Variants in PDE3A observed in about 807,000 individuals in gnomAD.
PDE3A encodes the protein phosphodiesterase 3A, also known as cGMP-inhibited 3',5'-cyclic phosphodiesterase 3A.
PDE3A carries 43 observed loss-of-function variants against 98.3 expected under a neutral mutation model. The observed-to-expected ratio is 0.44, with a 90% CI of 0.34 to 0.56. The LOEUF is 0.56. Among genes scored for constraint, PDE3A ranks in the 20% least tolerant of loss-of-function variants. The pLI, the probability that PDE3A is intolerant of heterozygous loss-of-function variation, is 0.01. For missense variants in PDE3A, 1,427 were observed against 1,440.7 expected (o/e 0.99, Z 0.15); for synonymous variants, 663 against 567.9 (o/e 1.17, Z -2.38).
intron 1 of PDE3A, chr12:20,551,521 G>A: frequency 1.8e-6 from 2 of 1,111,642 alleles, no homozygotes; most frequent in East Asian, 5.2e-5. Flanking sequence ...GGTTAATTCC[G>A]ATAACGAACG....
intron 1 of PDE3A, among the ~76,000 whole-genome samples, chr12:20,467,504 A>G (rs973687351): frequency 6.6e-6 from 1 of 152,110 alleles, no homozygotes; most frequent in Non-Finnish European, 1.5e-5. Flanking sequence ...TAAAGTCTTT[A>G]TTTTATTCTT....
At chr12:20,560,589 A>G (rs1240755479) in intron 2 of PDE3A, among the ~76,000 whole-genome samples, 1 of 152,192 alleles carries the variant, frequency 6.6e-6, no homozygotes, top group African/African-American at 2.4e-5. Flanking sequence ...GCTTTGTTTT[A>G]AAAGAAAGTT....
rs1444122760 is a variant in PDE3A at position 20,660,086 on chromosome 12, G to A, written c.3184+5881G>A. Among the ~76,000 whole-genome samples, 7 of 152,074 alleles carry A rather than the reference G, an allele frequency of 4.6e-5. No homozygotes were observed. In the South Asian group the frequency reaches 8.3e-4, roughly 18 times the overall value. ...GTGGGAGGTAATCGAATCATAAGGG[G>A]AGTTACCCCCATGCTACTGTTCTCA... On this transcript the variant is annotated intron_variant, in intron 15 of 15. Coordinates refer to ENST00000359062, the MANE Select transcript of PDE3A (RefSeq NM_000921.5).
At chr12:20,487,666 AAATAAAT>A (rs1170424357) in intron 1 of PDE3A, among the ~76,000 whole-genome samples, 23 of 103,252 alleles carry the variant, frequency 2.2e-4, no homozygotes, top group African/African-American at 7.4e-4. Context: ...AAAAAAAAAT[AAATAAAT>A]AAAAAAAGTG....
At chr12:20,544,883 AG>A (rs1426522292) in intron 1 of PDE3A, among the ~76,000 whole-genome samples, 2 of 152,002 alleles carry the variant, frequency 1.3e-5, no homozygotes, top group African/African-American at 4.8e-5. Context: ...GAAACAAAAA[AG>A]TTTCTATAAT....
Position 20,616,514 on chromosome 12 carries a change from G to T in PDE3A, c.1424+130G>T, listed in dbSNP as rs1944011578. On this transcript the variant is annotated intron_variant, in intron 4 of 15. Transcript: ENST00000359062. The stretch of plus-strand genomic sequence containing the variant: ...GAGGTCAGCTTTGAAGATGGAAAGG[G>T]TACATGGTTCAAATGCAGAGCAGTA... 1.2e-5 allele frequency: 9 copies of T among 781,586 alleles called. No individual in the cohort carries two copies. The South Asian group carries it at 1.3e-4, about 11-fold the overall frequency. 48.4% of individuals were successfully genotyped at this position (781,586 alleles called of 1,614,324 possible).
At chr12:20,504,865 C>A (rs1946086421) in intron 1 of PDE3A, among the ~76,000 whole-genome samples, 1 of 152,040 alleles carries the variant, frequency 6.6e-6, no homozygotes, top group Non-Finnish European at 1.5e-5. Context: ...ACTCAACATC[C>A]TTAATCGCAT....
intron 1 of PDE3A, among the ~76,000 whole-genome samples, chr12:20,414,707 G>A (rs12370763): frequency 0.62 from 93,617 of 151,884 alleles, 30,607 homozygotes; most frequent in East Asian, 0.88. Flanking sequence ...TTTCTGAGAT[G>A]ATCAATTCTT....
At chr12:20,570,098 A>T (rs1942760256) in intron 2 of PDE3A, among the ~76,000 whole-genome samples, 1 of 152,064 alleles carries the variant, frequency 6.6e-6, no homozygotes, top group Non-Finnish European at 1.5e-5. Context: ...GAAAAGCAAG[A>T]GAGGGAGAAA....
At chr12:20,586,555 A>G (rs11045320) in intron 2 of PDE3A, among the ~76,000 whole-genome samples, 144,983 of 152,272 alleles carry the variant, frequency 0.95, 69,323 homozygotes, top group East Asian at 1. Flanking sequence ...GAATTTTCAC[A>G]AAAAACTTAG....
At chr12:20,391,476 A>C (rs1943914791) in intron 1 of PDE3A, among the ~76,000 whole-genome samples, 1 of 150,252 alleles carries the variant, frequency 6.7e-6, no homozygotes, top group South Asian at 2.1e-4. Flanking sequence ...AGTGCAATCC[A>C]CTGTTGATTC....
chr12:20,622,647 T>C (rs1944164348), intron 5 of PDE3A, among the ~76,000 whole-genome samples: 1 of 152,172 alleles, frequency 6.6e-6, no homozygotes, highest in African/African-American at 2.4e-5. Context: ...TAAATTGAGA[T>C]ATTCCTGAAG....
At chr12:20,407,137 G>A (rs1163854465) in intron 1 of PDE3A, among the ~76,000 whole-genome samples, 3 of 152,176 alleles carry the variant, frequency 2.0e-5, no homozygotes, top group Non-Finnish European at 4.4e-5. Flanking sequence ...GATCAGCATA[G>A]ATGTTGATTA....
At chr12:20,469,111 C>A (rs940777397) in intron 1 of PDE3A, among the ~76,000 whole-genome samples, 2 of 152,116 alleles carry the variant, frequency 1.3e-5, no homozygotes, top group Non-Finnish European at 2.9e-5. Context: ...GTCAGAGATG[C>A]TGAACAGAAA....
chr12:20,441,497 T>C (rs1447996280), intron 1 of PDE3A, among the ~76,000 whole-genome samples: 1 of 152,232 alleles, frequency 6.6e-6, no homozygotes, highest in African/African-American at 2.4e-5. Flanking sequence ...GGTACTTTGC[T>C]AAAATAAGCA....
Position 20,552,650 on chromosome 12 carries a change from A to G in PDE3A, c.961-4010A>G. On this transcript the variant is annotated intron_variant, in intron 1 of 15. Coordinates refer to ENST00000359062, the MANE Select transcript of PDE3A (RefSeq NM_000921.5). This position sits in a 1 kb window ranked among gnomAD's most constrained non-coding sequence, Gnocchi z 5.1. ...TCCAAGAAAACCAAGGTGGAGCCCT[A>G]CAGTCTCACGGCCCAGCAGAGCAGC... 1.2e-6 allele frequency: 2 copies of G among 1,613,906 alleles called. No individual in the cohort carries two copies. The highest frequency in any genetic ancestry group is 1.3e-5 in the African/African-American group (1 of 75,060).
chr12:20,588,044 C>G (rs934072051), intron 2 of PDE3A, among the ~76,000 whole-genome samples: 2 of 152,172 alleles, frequency 1.3e-5, no homozygotes, highest in Non-Finnish European at 2.9e-5. Context: ...CTACTTTGCT[C>G]CTTTCCTTCT....
intron 2 of PDE3A, among the ~76,000 whole-genome samples, chr12:20,608,673 AG>A (rs1434375377): frequency 6.6e-6 from 1 of 152,024 alleles, no homozygotes; most frequent in African/African-American, 2.4e-5. Context: ...ATTACTTTAA[AG>A]AAAAAATAAA....
At chr12:20,667,376 T>C (rs1481764536) in intron 15 of PDE3A, among the ~76,000 whole-genome samples, 1 of 152,190 alleles carries the variant, frequency 6.6e-6, no homozygotes, top group Non-Finnish European at 1.5e-5. Context: ...AGAACTTCCC[T>C]TATGTTGTCT....
Sources: allele counts gnomAD v4.1 joint callset (sites outside exome capture counted in the v4.1 genomes callset), GRCh38; gene constraint gnomAD v4.1.1; non-coding constraint Gnocchi (gnomAD v3.1); transcripts MANE v1.5; gene names NCBI Gene and HGNC (gene_info 2026-07-23, HGNC 2026-07-21).